SOCS7: variants seen among roughly 807,000 people sequenced by gnomAD.
The protein encoded by SOCS7 is NAP-4.
Under a neutral mutation model 58.9 loss-of-function variants are expected in SOCS7, and 18 were observed. That is an observed-to-expected ratio of 0.31 (90% CI 0.21 to 0.45). The LOEUF is 0.45. Ranked by LOEUF, SOCS7 falls within the 20% of genes least tolerant of loss-of-function variation. The pLI is 1.00. For synonymous variants in SOCS7, 388 were observed against 364.3 expected, an observed-to-expected ratio of 1.06 and a Z score of -0.74; for missense variants, 667 against 837.3, an observed-to-expected ratio of 0.80 and a Z score of 2.51.
At chr17:38,369,056 G>A (rs1321088670) in intron 6 of SOCS7, among the ~76,000 whole-genome samples, 1 of 152,154 alleles carries the variant, frequency 6.6e-6, no homozygotes, top group Non-Finnish European at 1.5e-5. Flanking sequence ...TCTAACTTGG[G>A]CCAGAAACTT....
At chr17:38,361,826 G>A in intron 2 of SOCS7, 51 bp downstream of exon 2, 1 of 1,347,264 alleles carries the variant, frequency 7.4e-7, no homozygotes, top group Admixed American at 2.0e-5. Flanking sequence ...GGGGCGTTCT[G>A]AGACCTGTTG....
At position 38,401,383 on chromosome 17, in the gene SOCS7, C is replaced by T. The variant is rs1190423022; in HGVS notation, c.*1901C>T. 3 of 152,108 alleles carry T rather than the reference C, an allele frequency of 2.0e-5. No homozygotes were observed. The highest frequency in any genetic ancestry group is 4.4e-5 in the Non-Finnish European group (3 of 68,026). 9.4% of individuals were successfully genotyped at this position (152,108 alleles called of 1,614,324 possible). A position where few individuals can be genotyped will look rare whatever the true frequency, so the allele number is the denominator to read the frequency against. On this transcript the variant is annotated 3_prime_UTR_variant, in exon 10 of 10. Transcript: ENST00000612932. ...TAACTCGCCATCTTGCAGGAAGTGC[C>T]ACCCCAATATAGAGCCTGAAGTTGG...
chr17:38,382,361 C>T (rs538631914), intron 7 of SOCS7, among the ~76,000 whole-genome samples: 6 of 146,770 alleles, frequency 4.1e-5, no homozygotes, highest in South Asian at 2.1e-4. Flanking sequence ...TCTCTTAGGC[C>T]GGGTAGGTCA....
At position 38,404,237 on chromosome 17, in the gene SOCS7, T is replaced by G. The variant is rs1011038430; in HGVS notation, c.*4755T>G. Reference sequence around the variant, plus strand: ...GCAGTTAGGAAAGTAGCGTTATGAGTTGTACTGAAAATGTTGATTCTCTAA... The same window carrying G: ...GCAGTTAGGAAAGTAGCGTTATGAGGTGTACTGAAAATGTTGATTCTCTAA... On this transcript the variant is annotated 3_prime_UTR_variant, in exon 10 of 10. Coordinates refer to ENST00000612932, the MANE Select transcript of SOCS7 (RefSeq NM_014598.4). 6.6e-6 allele frequency: 1 copy of G among 152,140 alleles called. No homozygotes were observed. The highest frequency in any genetic ancestry group is 6.6e-5 in the Admixed American group (1 of 15,264). 9.4% of individuals were successfully genotyped at this position (152,140 alleles called of 1,614,324 possible).
chr17:38,360,441 T>C (rs1555567408), intron 1 of SOCS7, among the ~76,000 whole-genome samples: 1 of 152,216 alleles, frequency 6.6e-6, no homozygotes, highest in East Asian at 1.9e-4. Context: ...TCTGCCCACC[T>C]TGGCCTCCCA....
At chr17:38,384,047 T>TCCCCTCCTTG (rs1379402588) in intron 7 of SOCS7, among the ~76,000 whole-genome samples, 5 of 152,026 alleles carry the variant, frequency 3.3e-5, no homozygotes, top group African/African-American at 1.2e-4. Context: ...CTGATGGGGC[T>TCCCCTCCTTG]CCCCTCCTTG....
At chr17:38,372,181 G>A (rs1013779971) in intron 6 of SOCS7, among the ~76,000 whole-genome samples, 29 of 152,084 alleles carry the variant, frequency 1.9e-4, no homozygotes, top group African/African-American at 5.6e-4. Flanking sequence ...CAGATAAACT[G>A]TAGCCTAGAA....
At chr17:38,360,766 C>G (rs970865146) in intron 1 of SOCS7, among the ~76,000 whole-genome samples, 1 of 152,058 alleles carries the variant, frequency 6.6e-6, no homozygotes, top group Non-Finnish European at 1.5e-5. Flanking sequence ...GTCTTGATCT[C>G]CTGACCTTGT....
rs2038137782 is a variant in SOCS7, at chr17:38,389,872, T to TATATATATGTACATATATATATATGTAC, written c.1682-5429_1682-5428insGTACATATATATATATGTACATATATAT. ...TGTTTGGTGTGTATGTGTGTACATATATATATATATGTACATATATATATA... is the reference window on the plus strand; with the variant it reads ...TGTTTGGTGTGTATGTGTGTACATATATATATATGTACATATATATATATGTACATATATATATGTACATATATATATA... On this transcript the variant is annotated intron_variant, in intron 7 of 9. Transcript: ENST00000612932. Among the ~76,000 whole-genome samples, 209 of 111,696 alleles carry TATATATATGTACATATATATATATGTAC rather than the reference T, an allele frequency of 1.9e-3. 22 individuals are homozygous for TATATATATGTACATATATATATATGTAC. Among genetic ancestry groups the TATATATATGTACATATATATATATGTAC allele is most frequent in the African/African-American group, 7.4e-3 (193 of 26,150 alleles). The allele number at this position is 111,696 out of a possible 152,430, so 73.3% of individuals were successfully genotyped here. A position where few individuals can be genotyped will look rare whatever the true frequency, so the allele number is the denominator to read the frequency against.
In SOCS7 at chr17:38,401,608, C is replaced by T. The variant is rs527896049; in HGVS notation, c.*2126C>T. Reference sequence around the variant, plus strand: ...TTTTAGGTGACTGCTGCACATCAAGCAGAAAATCAAGGACTATCTAAAGAC... The same window carrying T: ...TTTTAGGTGACTGCTGCACATCAAGTAGAAAATCAAGGACTATCTAAAGAC... On this transcript the variant is annotated 3_prime_UTR_variant, in exon 10 of 10. Transcript: ENST00000612932. 9 of 152,154 alleles carry T rather than the reference C, an allele frequency of 5.9e-5. No individual in the cohort carries two copies. The highest frequency in any genetic ancestry group is 2.1e-4 in the South Asian group (1 of 4,822). The allele number at this position is 152,154 out of a possible 1,614,324, so 9.4% of individuals were successfully genotyped here.
Position 38,403,591 on chromosome 17 carries a change from T to A in SOCS7, c.*4109T>A, listed in dbSNP as rs1218279374. 2.6e-5 allele frequency: 4 copies of A among 152,188 alleles called. No homozygotes were observed. The highest frequency in any genetic ancestry group is 5.9e-5 in the Non-Finnish European group (4 of 68,150). The allele number at this position is 152,188 out of a possible 1,614,324, so 9.4% of individuals were successfully genotyped here. A position where few individuals can be genotyped will look rare whatever the true frequency, so the allele number is the denominator to read the frequency against. The stretch of plus-strand genomic sequence containing the variant: ...GCTGCTGGAAGGAGGTCTGAGTCTG[T>A]GTGTGTGCATATGCATGCATGTGTG... On this transcript the variant is annotated 3_prime_UTR_variant, in exon 10 of 10. Coordinates refer to ENST00000612932, the MANE Select transcript of SOCS7 (RefSeq NM_014598.4).
At chr17:38,363,577 C>T (rs1476246978) in intron 2 of SOCS7, among the ~76,000 whole-genome samples, 4 of 152,170 alleles carry the variant, frequency 2.6e-5, no homozygotes, top group Admixed American at 1.3e-4. Flanking sequence ...GCAAGTGATT[C>T]GCCTACCTTG....
At chr17:38,366,197 C>T (rs1446584483) in intron 4 of SOCS7, 90 bp from the exon 5 acceptor site, 3 of 1,534,254 alleles carry the variant, frequency 2.0e-6, no homozygotes, top group Non-Finnish European at 1.8e-6. Flanking sequence ...TTGCCCTCTT[C>T]AGTTAGCATC....
intron 9 of SOCS7, among the ~76,000 whole-genome samples, chr17:38,399,265 G>A (rs983285881): frequency 1.3e-5 from 2 of 152,070 alleles, no homozygotes; most frequent in South Asian, 2.1e-4. Flanking sequence ...ATGCAATGTG[G>A]TAGGATGTAT....
intron 6 of SOCS7, among the ~76,000 whole-genome samples, chr17:38,371,504 AGGG>A (rs2037863952): frequency 6.9e-6 from 1 of 145,662 alleles, no homozygotes; most frequent in Non-Finnish European, 1.5e-5. Flanking sequence ...TCCTGACCTC[AGGG>A]GATCTGCCCA....
At chr17:38,362,122 C>T (rs1555567683) in intron 2 of SOCS7, among the ~76,000 whole-genome samples, 1 of 152,156 alleles carries the variant, frequency 6.6e-6, no homozygotes, top group Admixed American at 6.5e-5. Context: ...AGAAGTCATA[C>T]AATTTCTGTC....
intron 7 of SOCS7, among the ~76,000 whole-genome samples, chr17:38,380,528 G>A (rs565660171): frequency 9.6e-4 from 146 of 152,024 alleles, no homozygotes; most frequent in African/African-American, 3.3e-3. Flanking sequence ...TACTCTGGAG[G>A]CTGAGGCAGG....
chr17:38,360,392 C>T (rs1555567390), intron 1 of SOCS7, among the ~76,000 whole-genome samples: 20 of 151,776 alleles, frequency 1.3e-4, no homozygotes, highest in Non-Finnish European at 1.5e-5. Context: ...GGAGTTTCAC[C>T]ATGTTTGCCA....
In SOCS7 at chr17:38,401,626, C is replaced by T. The variant is rs1183746963; in HGVS notation, c.*2144C>T. On this transcript the variant is annotated 3_prime_UTR_variant, in exon 10 of 10. Transcript: ENST00000612932. ...CATCAAGCAGAAAATCAAGGACTAT[C>T]TAAAGACGTTTATAGTAGATAAGAT... 2 of 152,102 alleles carry T rather than the reference C, an allele frequency of 1.3e-5. No homozygotes were observed. Among genetic ancestry groups the T allele is most frequent in the Non-Finnish European group, 2.9e-5 (2 of 68,038 alleles). The allele number at this position is 152,102 out of a possible 1,614,324, so 9.4% of individuals were successfully genotyped here. A position where few individuals can be genotyped will look rare whatever the true frequency, so the allele number is the denominator to read the frequency against.
Sources: gnomAD v4.1 joint callset for allele counts (sites outside exome capture counted in the v4.1 genomes callset) on GRCh38, gnomAD v4.1.1 for gene constraint, MANE v1.5 for transcripts, NCBI Gene and HGNC (gene_info 2026-07-23, HGNC 2026-07-21) for gene names.